The following PPHLN1 variants were observed in gnomAD, a reference collection of about 807,000 sequenced individuals.
PPHLN1 encodes the protein periphilin 1.
PPHLN1 carries 29 observed loss-of-function variants against 51.3 expected under a neutral mutation model. The observed-to-expected ratio is 0.57, with a 90% CI of 0.42 to 0.77. The LOEUF (loss-of-function observed/expected upper bound fraction) is 0.77, where lower values mean the gene tolerates loss of function less well. Among genes scored for constraint, PPHLN1 ranks in the 30% least tolerant of loss-of-function variants. The probability of loss-of-function intolerance (pLI) is 0.00; values close to 1 mark genes in which losing one functional copy is unlikely to be tolerated. For synonymous variants in PPHLN1, 147 were observed against 147.8 expected (o/e 0.99, Z 0.04); for missense variants, 436 against 438.4 (o/e 0.99, Z 0.05).
At chr12:42,436,456 A>G (rs1220869986) in intron 9 of PPHLN1, among the ~76,000 whole-genome samples, 1 of 152,218 alleles carries the variant, frequency 6.6e-6, no homozygotes, top group East Asian at 1.9e-4. Flanking sequence ...CATGTACTTA[A>G]CTTCCTATTG....
At chr12:42,347,878 G>A (rs909096086) in intron 2 of PPHLN1, among the ~76,000 whole-genome samples, 4 of 152,128 alleles carry the variant, frequency 2.6e-5, no homozygotes, top group East Asian at 1.9e-4. Context: ...AGACACGAAC[G>A]CTTTAAAAAT....
intron 8 of PPHLN1, among the ~76,000 whole-genome samples, chr12:42,395,270 G>A (rs747077348): frequency 5.3e-5 from 8 of 151,980 alleles, no homozygotes; most frequent in African/African-American, 1.2e-4. Context: ...TAGGTCAGAC[G>A]TGTTCTTTTG....
At chr12:42,414,108 C>T (rs2080145532) in intron 9 of PPHLN1, among the ~76,000 whole-genome samples, 1 of 152,142 alleles carries the variant, frequency 6.6e-6, no homozygotes, top group Admixed American at 6.5e-5. Flanking sequence ...ACCATCTCGG[C>T]TCACTGCAAT....
intron 3 of PPHLN1, among the ~76,000 whole-genome samples, chr12:42,353,197 C>T (rs143921828): frequency 1.4e-3 from 220 of 152,206 alleles, no homozygotes; most frequent in Non-Finnish European, 2.2e-3. Flanking sequence ...TGTAGTTGAA[C>T]TTAATACTAT....
chr12:42,359,644 A>G, intron 4 of PPHLN1: 1 of 152,200 alleles, frequency 6.6e-6, no homozygotes, highest in Non-Finnish European at 1.5e-5. Flanking sequence ...GTGAACAGAA[A>G]ATAGCTGTTG....
chr12:42,370,561 CCTT>C (rs1414590656), intron 4 of PPHLN1, among the ~76,000 whole-genome samples: 1 of 152,092 alleles, frequency 6.6e-6, no homozygotes, highest in African/African-American at 2.4e-5. Flanking sequence ...ACTTTTGGCT[CCTT>C]CTTTACCATT....
chr12:42,398,773 C>A, intron 8 of PPHLN1, 81 bp from the exon 9 acceptor site: 1 of 1,258,702 alleles, frequency 7.9e-7, no homozygotes, highest in Non-Finnish European at 1.1e-6. Context: ...TATAATTTGC[C>A]AGTTAGTGCC....
At chr12:42,430,237 CTT>C (rs1385079804) in intron 9 of PPHLN1, among the ~76,000 whole-genome samples, 1 of 151,944 alleles carries the variant, frequency 6.6e-6, no homozygotes, top group Non-Finnish European at 1.5e-5. Context: ...TTTAGCTGCT[CTT>C]CTCTCTCTGT....
At chr12:42,445,962 C>T (rs1566060275), downstream of PPHLN1, 1 of 1,481,674 alleles carries the variant, frequency 6.7e-7, no homozygotes, top group Non-Finnish European at 9.0e-7. Context: ...CTTGTGTTCA[C>T]ATCCCCTCAG....
chr12:42,405,711 T>C (rs2079229649), intron 9 of PPHLN1, among the ~76,000 whole-genome samples: 1 of 152,204 alleles, frequency 6.6e-6, no homozygotes, highest in South Asian at 2.1e-4. Flanking sequence ...GGTTTTTTGG[T>C]CTGCCTGAAA....
chr12:42,434,123 T>G (rs1045601267), intron 9 of PPHLN1, among the ~76,000 whole-genome samples: 1 of 152,148 alleles, frequency 6.6e-6, no homozygotes, highest in African/African-American at 2.4e-5. Context: ...TTGTATCCTT[T>G]TATAATAAAC....
intron 5 of PPHLN1, 137 bp downstream of exon 5, chr12:42,375,211 A>G: frequency 1.5e-6 from 1 of 663,910 alleles, no homozygotes; most frequent in East Asian, 3.0e-5. Context: ...TACAGAAAAG[A>G]TGGTAGAATA....
intron 9 of PPHLN1, among the ~76,000 whole-genome samples, chr12:42,428,624 T>C (rs2081722856): frequency 1.3e-5 from 2 of 150,728 alleles, no homozygotes; most frequent in South Asian, 4.2e-4. Flanking sequence ...GGGAAAAGAG[T>C]GGGAGGGGGG....
chr12:42,361,756 ATTAAT>A (rs1274266082), intron 4 of PPHLN1: 1 of 152,250 alleles, frequency 6.6e-6, no homozygotes, highest in African/African-American at 2.4e-5. Flanking sequence ...GTTGAATAGA[ATTAAT>A]TTAATTCTGG....
chr12:42,425,852 A>T (rs540152241), intron 9 of PPHLN1, among the ~76,000 whole-genome samples: 124 of 152,320 alleles, frequency 8.1e-4, no homozygotes, highest in African/African-American at 2.5e-3. Context: ...CAGGATTTTA[A>T]TATTGAAAGA....
intron 4 of PPHLN1, among the ~76,000 whole-genome samples, chr12:42,366,579 C>T (rs573776555): frequency 4.0e-5 from 6 of 150,720 alleles, no homozygotes; most frequent in Non-Finnish European, 7.4e-5. Context: ...GACAGGGTTT[C>T]CCTGTCCCTG....
At chr12:42,363,341 T>A (rs74593155) in intron 4 of PPHLN1, among the ~76,000 whole-genome samples, 22,490 of 149,726 alleles carry the variant, frequency 0.15, 1,725 homozygotes, top group Admixed American at 0.19. Context: ...TAAAAAAAAA[T>A]TTTTTTTGTA....
At chr12:42,369,825 C>A (rs1232913722) in intron 4 of PPHLN1, among the ~76,000 whole-genome samples, 4 of 152,192 alleles carry the variant, frequency 2.6e-5, no homozygotes, top group Admixed American at 1.3e-4. Flanking sequence ...CTTTGAACGT[C>A]CTCATTTACA....
At chr12:42,331,585 G>A (rs1438646223) in intron 1 of PPHLN1, among the ~76,000 whole-genome samples, 1 of 152,156 alleles carries the variant, frequency 6.6e-6, no homozygotes, top group Non-Finnish European at 1.5e-5. Context: ...TCCCATGATG[G>A]TATATTAAAC....
Sources: gnomAD v4.1 joint callset for allele counts (sites outside exome capture counted in the v4.1 genomes callset) on GRCh38, gnomAD v4.1.1 for gene constraint, MANE v1.5 for transcripts, NCBI Gene and HGNC (gene_info 2026-07-23, HGNC 2026-07-21) for gene names.